The following GALNT13 variants were observed in gnomAD, a reference collection of about 807,000 sequenced individuals.
GALNT13 encodes polypeptide N-acetylgalactosaminyltransferase 13.
GALNT13 carries 28 observed loss-of-function variants against 64.2 expected under a neutral mutation model. That is an observed-to-expected ratio of 0.44 (90% CI 0.32 to 0.60). The LOEUF (loss-of-function observed/expected upper bound fraction) is 0.60, where lower values mean the gene tolerates loss of function less well. Ranked by LOEUF, GALNT13 falls within the 20% of genes least tolerant of loss-of-function variation. The probability of loss-of-function intolerance (pLI) is 0.05; values close to 1 mark genes in which losing one functional copy is unlikely to be tolerated. For synonymous variants in GALNT13, 214 were observed against 224.6 expected (o/e 0.95, Z 0.42); for missense variants, 577 against 669.8 (o/e 0.86, Z 1.53).
the GALNT13 span, among the ~76,000 whole-genome samples, chr2:153,749,224 T>C: frequency 3.4e-4 from 52 of 152,164 alleles, no homozygotes; most frequent in African/African-American, 1.1e-3. Flanking sequence ...ACTGTGTTGA[T>C]GACTATAACT....
intron 4 of GALNT13, among the ~76,000 whole-genome samples, chr2:154,179,392 T>A (rs1264529569): frequency 2.6e-5 from 4 of 152,190 alleles, no homozygotes; most frequent in Non-Finnish European, 4.4e-5. Context: ...TTTTGCTGAT[T>A]TCATTACAAA....
At chr2:153,423,972 G>A in the GALNT13 span, among the ~76,000 whole-genome samples, 3 of 151,224 alleles carry the variant, frequency 2.0e-5, no homozygotes, top group Admixed American at 6.6e-5. Flanking sequence ...AAACAAAAAT[G>A]ATAATGGTCT....
At chr2:154,167,778 A>G (rs903347029) in intron 4 of GALNT13, among the ~76,000 whole-genome samples, 1 of 152,130 alleles carries the variant, frequency 6.6e-6, no homozygotes, top group African/African-American at 2.4e-5. Context: ...GAGTCCTGAT[A>G]GAAAGGCAGC....
chr2:153,462,245 T>G, the GALNT13 span, among the ~76,000 whole-genome samples: 1 of 152,118 alleles, frequency 6.6e-6, no homozygotes, highest in African/African-American at 2.4e-5. Flanking sequence ...AAATCTTAAA[T>G]TATTTCTTGA....
intron 3 of GALNT13, among the ~76,000 whole-genome samples, chr2:154,100,294 T>C (rs1408323752): frequency 1.3e-5 from 2 of 152,160 alleles, no homozygotes; most frequent in Admixed American, 6.6e-5. Context: ...TAGATTTCTT[T>C]GGGCAGTGTG....
At chr2:154,298,245 T>C (rs1287981886) in intron 8 of GALNT13, among the ~76,000 whole-genome samples, 2 of 151,430 alleles carry the variant, frequency 1.3e-5, no homozygotes, top group African/African-American at 4.9e-5. Flanking sequence ...AAGGGATATT[T>C]GTTATTTTGA....
rs529901503 is a variant in GALNT13 at position 154,044,345 on chromosome 2, T to A, written c.143-95992T>A. On this transcript the variant is annotated intron_variant, in intron 3 of 12. Transcript: ENST00000392825. ...AAACCTTGATTAAAAAGATACCTCG[T>A]CAATTATCTGAAGGATAAGGGAAGA... is the stretch of plus-strand genomic sequence containing the variant. Among the ~76,000 whole-genome samples, 5 of 152,268 alleles carry A rather than the reference T, an allele frequency of 3.3e-5. No individual in the cohort carries two copies. The South Asian group carries it at 6.2e-4, about 19-fold the overall frequency.
chr2:153,780,235 A>G, the GALNT13 span, among the ~76,000 whole-genome samples: 122 of 9,162 alleles, frequency 0.013, 3 homozygotes, highest in Non-Finnish European at 0.058. Flanking sequence ...ATATATATAT[A>G]TATATATATA....
the GALNT13 span, among the ~76,000 whole-genome samples, chr2:153,669,340 A>G: frequency 6.6e-6 from 1 of 152,098 alleles, no homozygotes; most frequent in Admixed American, 6.6e-5. Context: ...GCACCCCACC[A>G]TGCCATTGCT....
At chr2:153,605,423 G>A in the GALNT13 span, among the ~76,000 whole-genome samples, 1 of 152,088 alleles carries the variant, frequency 6.6e-6, no homozygotes, top group Admixed American at 6.6e-5. Context: ...TCAGCATACT[G>A]CAGTTAACTG....
At chr2:153,326,201 T>C in the GALNT13 span, among the ~76,000 whole-genome samples, 2 of 152,212 alleles carry the variant, frequency 1.3e-5, no homozygotes, top group Non-Finnish European at 2.9e-5. Flanking sequence ...TTAGTTCTTC[T>C]TGTTGCATTG....
At chr2:153,597,838 A>T in the GALNT13 span, among the ~76,000 whole-genome samples, 1 of 152,096 alleles carries the variant, frequency 6.6e-6, no homozygotes, top group African/African-American at 2.4e-5. Flanking sequence ...ACATGGAAAG[A>T]TGCTTAACAC....
At chr2:154,175,328 T>C (rs936017794) in intron 4 of GALNT13, among the ~76,000 whole-genome samples, 2 of 152,192 alleles carry the variant, frequency 1.3e-5, no homozygotes, top group Non-Finnish European at 2.9e-5. Context: ...ATCAAATCAA[T>C]TTATAAACAT....
intron 8 of GALNT13, among the ~76,000 whole-genome samples, chr2:154,299,165 G>T (rs962854588): frequency 6.7e-6 from 1 of 149,612 alleles, no homozygotes; most frequent in Non-Finnish European, 1.5e-5. Context: ...GAAGCTATTT[G>T]AAAGATAGAC....
At chr2:153,861,559 C>CTTTTTTTTTTTTTTTTTTTTTTTTTTTTT in the GALNT13 span, among the ~76,000 whole-genome samples, 1 of 118,202 alleles carries the variant, frequency 8.5e-6, no homozygotes, top group African/African-American at 3.3e-5. Flanking sequence ...TTCTTTCTTT[C>CTTTTTTTTTTTTTTTTTTTTTTTTTTTTT]TTTTTTTTTT....
the GALNT13 span, among the ~76,000 whole-genome samples, chr2:153,240,927 C>T: frequency 1.3e-5 from 2 of 152,068 alleles, no homozygotes; most frequent in Non-Finnish European, 2.9e-5. Context: ...TCAGTTGGCG[C>T]TCCCTAATTA....
chr2:153,675,611 G>A, the GALNT13 span, among the ~76,000 whole-genome samples: 5 of 152,134 alleles, frequency 3.3e-5, no homozygotes, highest in Non-Finnish European at 5.9e-5. Flanking sequence ...GTTGATGGGT[G>A]CAGCAAACCA....
At chr2:153,626,273 C>T in the GALNT13 span, among the ~76,000 whole-genome samples, 1 of 152,044 alleles carries the variant, frequency 6.6e-6, no homozygotes, top group Non-Finnish European at 1.5e-5. Flanking sequence ...AGGAGAAACA[C>T]AACCTAAATA....
At chr2:153,254,986 C>T in the GALNT13 span, among the ~76,000 whole-genome samples, 637 of 151,834 alleles carry the variant, frequency 4.2e-3, 5 homozygotes, top group African/African-American at 0.014. Flanking sequence ...CTATTAGGTC[C>T]ACTTGGTGCA....
Sources: allele counts gnomAD v4.1 joint callset (sites outside exome capture counted in the v4.1 genomes callset), GRCh38; gene constraint gnomAD v4.1.1; transcripts MANE v1.5; gene names NCBI Gene and HGNC (gene_info 2026-07-23, HGNC 2026-07-21).